Variants in KCNK2 observed in about 807,000 individuals in gnomAD.
KCNK2 encodes potassium channel subfamily K member 2.
Under a neutral mutation model 40.5 loss-of-function variants are expected in KCNK2, and 21 were observed. The ratio of observed to expected loss-of-function variants is 0.52; its 90% CI spans 0.37 to 0.75. KCNK2 has a LOEUF of 0.75. Among genes scored for constraint, KCNK2 ranks in the 30% least tolerant of loss-of-function variants. The pLI is 0.00. For missense variants in KCNK2, 399 were observed against 531.6 expected (o/e 0.75, Z 2.45); for synonymous variants, 191 against 202.2 (o/e 0.94, Z 0.47).
At chr1:215,130,509 G>A (rs1661621589) in intron 3 of KCNK2, among the ~76,000 whole-genome samples, 1 of 152,172 alleles carries the variant, frequency 6.6e-6, no homozygotes, top group Non-Finnish European at 1.5e-5. Flanking sequence ...AGTTGGCCAG[G>A]CAGAAAGAAA....
intron 1 of KCNK2, among the ~76,000 whole-genome samples, chr1:215,039,882 C>T (rs1657506667): frequency 6.6e-6 from 1 of 152,046 alleles, no homozygotes; most frequent in Admixed American, 6.6e-5. Context: ...GAAGGCTTTT[C>T]CTATCGTTGT....
rs535009079 is a variant in KCNK2, at chr1:215,011,524, C to T, written c.34+5569C>T. Among the ~76,000 whole-genome samples the T allele has an allele frequency of 4.4e-4, 67 of 152,276 alleles. 2 individuals carry two copies. The East Asian group carries it at 0.012, about 27-fold the overall frequency. On this transcript the variant is annotated intron_variant, in intron 1 of 6. Transcript: ENST00000391895. ...GCCAGGCTGGTCTCAAACTCCAGGA[C>T]TCAAGAATCTACCTGCCTCAGCCTC...
chr1:215,184,586 G>A (rs1664353705), intron 5 of KCNK2, among the ~76,000 whole-genome samples: 4 of 152,088 alleles, frequency 2.6e-5, no homozygotes, highest in African/African-American at 9.7e-5. Flanking sequence ...CATAGCAAAA[G>A]GGGAAGCAAA....
intron 3 of KCNK2, among the ~76,000 whole-genome samples, chr1:215,152,607 A>G (rs1247269002): frequency 6.6e-6 from 1 of 152,170 alleles, no homozygotes; most frequent in African/African-American, 2.4e-5. Flanking sequence ...CAGTTTCTTC[A>G]TCTGAGTTTC....
intron 6 of KCNK2, among the ~76,000 whole-genome samples, chr1:215,201,448 T>A (rs1035643634): frequency 6.6e-6 from 1 of 152,104 alleles, no homozygotes; most frequent in Non-Finnish European, 1.5e-5. Context: ...AAAACACAAT[T>A]TCAAAGGGCA....
intron 1 of KCNK2, among the ~76,000 whole-genome samples, chr1:215,064,241 G>A (rs2102509972): frequency 6.6e-6 from 1 of 152,178 alleles, no homozygotes; most frequent in African/African-American, 2.4e-5. Flanking sequence ...AAAATATCTT[G>A]AAAACTGGGA....
At chr1:215,010,084 A>G (rs1000272405) in intron 1 of KCNK2, among the ~76,000 whole-genome samples, 3 of 152,134 alleles carry the variant, frequency 2.0e-5, no homozygotes, top group Non-Finnish European at 4.4e-5. Context: ...ATAGGAATAG[A>G]TTTTGAGGCT....
At position 215,083,154 on chromosome 1, in the gene KCNK2, C is replaced by G; in HGVS notation, c.-232C>G. The G allele has an allele frequency of 2.2e-6, 2 of 912,122 alleles. No individual in the cohort carries two copies. Among genetic ancestry groups the G allele is most frequent in the East Asian group, 2.6e-5 (1 of 38,894 alleles). The allele number at this position is 912,122 out of a possible 1,614,324, so 56.5% of individuals were successfully genotyped here. A position where few individuals can be genotyped will look rare whatever the true frequency, so the allele number is the denominator to read the frequency against. On this transcript the variant is annotated 5_prime_UTR_variant, in exon 1 of 7. Coordinates refer to ENST00000444842, the MANE Select transcript of KCNK2 (RefSeq NM_001017425.3). ...CCGCCTCGCCCTCTGCCCAGCCCGC[C>G]GGTGTCCCCTCCTTCCCGCGATTTC...
chr1:215,216,995 T>C (rs1571742436), intron 6 of KCNK2, among the ~76,000 whole-genome samples: 1 of 152,210 alleles, frequency 6.6e-6, no homozygotes, highest in Non-Finnish European at 1.5e-5. Flanking sequence ...TGGTCTGTAA[T>C]TGATATCTTT....
chr1:215,235,207 C>A lies in KCNK2; in HGVS notation c.*62C>A. The A allele has an allele frequency of 7.2e-7, 1 of 1,389,012 alleles. No homozygotes were observed. The highest frequency in any genetic ancestry group is 9.8e-7 in the Non-Finnish European group (1 of 1,017,064). 86.0% of individuals were successfully genotyped at this position (1,389,012 alleles called of 1,614,324 possible). ...GAGGACTTCTCTATGCTCTTTATGACTGTTGCTGGTAGCATTTTTTAAATT... is the reference window on the plus strand; with the variant it reads ...GAGGACTTCTCTATGCTCTTTATGAATGTTGCTGGTAGCATTTTTTAAATT... On this transcript the variant is annotated 3_prime_UTR_variant, in exon 7 of 7. Coordinates refer to ENST00000444842, the MANE Select transcript of KCNK2 (RefSeq NM_001017425.3).
chr1:215,216,500 T>C (rs927033395), intron 6 of KCNK2, among the ~76,000 whole-genome samples: 3 of 148,856 alleles, frequency 2.0e-5, no homozygotes, highest in African/African-American at 7.3e-5. Flanking sequence ...AATACTATTA[T>C]ATATGCTATA....
At chr1:215,124,392 G>A (rs138367107) in intron 2 of KCNK2, among the ~76,000 whole-genome samples, 41 of 152,184 alleles carry the variant, frequency 2.7e-4, no homozygotes, top group Admixed American at 2.2e-3. Context: ...GCATGTTGGT[G>A]CAATATTATA....
intron 2 of KCNK2, among the ~76,000 whole-genome samples, chr1:215,089,815 G>A (rs1241472787): frequency 7.2e-6 from 1 of 138,848 alleles, no homozygotes; most frequent in Non-Finnish European, 1.5e-5. Flanking sequence ...AATTGTTCAG[G>A]TTTCTTTTTC....
chr1:215,235,492 G>C lies in KCNK2; in HGVS notation c.*347G>C, dbSNP rs1666845500. The C allele has an allele frequency of 5.2e-6, 1 of 193,600 alleles. No homozygotes were observed. Among genetic ancestry groups the C allele is most frequent in the Non-Finnish European group, 1.1e-5 (1 of 94,120 alleles). 12.0% of individuals were successfully genotyped at this position (193,600 alleles called of 1,614,324 possible). A position where few individuals can be genotyped will look rare whatever the true frequency, so the allele number is the denominator to read the frequency against. ...GTAACAATGTAGCTTTGAGGGATCA[G>C]TTCTTAACTTTTCAGGGTCTACCTA... On this transcript the variant is annotated 3_prime_UTR_variant, in exon 7 of 7. Coordinates refer to ENST00000444842, the MANE Select transcript of KCNK2 (RefSeq NM_001017425.3).
In KCNK2 at chr1:215,185,581, A is replaced by G. The variant is rs148241912; in HGVS notation, c.824-9372A>G. ...GTACCTTATGACTGTAAAATTAGCT[A>G]TTGAGTGAGTTTCCCATCTGGGAAA... On this transcript the variant is annotated intron_variant, in intron 5 of 6. Transcript: ENST00000444842. 1.3e-4 allele frequency among the ~76,000 whole-genome samples: 20 copies of G among 152,312 alleles called. No individual in the cohort carries two copies. In the East Asian group the frequency reaches 3.5e-3, roughly 26 times the overall value.
intron 2 of KCNK2, among the ~76,000 whole-genome samples, chr1:215,107,085 GT>G (rs1436601533): frequency 6.6e-6 from 1 of 150,636 alleles, no homozygotes; most frequent in African/African-American, 2.4e-5. Context: ...ATCTTTTTTG[GT>G]TCCATATGAA....
chr1:215,203,527 A>G (rs1365131017), intron 6 of KCNK2, among the ~76,000 whole-genome samples: 1 of 151,882 alleles, frequency 6.6e-6, no homozygotes, highest in Non-Finnish European at 1.5e-5. Context: ...AAGTTTTAAG[A>G]CTATATATAT....
intron 1 of KCNK2, among the ~76,000 whole-genome samples, chr1:215,067,328 A>T (rs11120482): frequency 0.4 from 60,855 of 151,838 alleles, 15,405 homozygotes; most frequent in East Asian, 0.57. Flanking sequence ...ATAATTTTTT[A>T]AAAAAGTCTC....
chr1:215,091,642 G>A (rs533059504), intron 2 of KCNK2, among the ~76,000 whole-genome samples: 12 of 152,292 alleles, frequency 7.9e-5, no homozygotes, highest in African/African-American at 2.4e-4. Flanking sequence ...ATTTGCTGGG[G>A]AAGGTAATAT....
Sources: gnomAD v4.1 joint callset for allele counts (sites outside exome capture counted in the v4.1 genomes callset) on GRCh38, gnomAD v4.1.1 for gene constraint, MANE v1.5 for transcripts, NCBI Gene and HGNC (gene_info 2026-07-23, HGNC 2026-07-21) for gene names.